SLC26A7: variants seen among roughly 807,000 people sequenced by gnomAD.
SLC26A7 encodes solute carrier family 26 member 7.
SLC26A7 carries 59 observed loss-of-function variants against 82.5 expected under a neutral mutation model. The ratio of observed to expected loss-of-function variants is 0.72; its 90% CI spans 0.58 to 0.89. SLC26A7 has a LOEUF of 0.89. Among genes scored for constraint, SLC26A7 ranks in the 40% least tolerant of loss-of-function variants. SLC26A7 has a pLI of 0.00. For missense variants in SLC26A7, 820 were observed against 793.0 expected, an observed-to-expected ratio of 1.03 and a Z score of -0.41; for synonymous variants, 271 against 274.3, an observed-to-expected ratio of 0.99 and a Z score of 0.12.
chr8:91,293,382 C>A (rs545370175), intron 3 of SLC26A7, among the ~76,000 whole-genome samples: 21 of 152,224 alleles, frequency 1.4e-4, no homozygotes, highest in Non-Finnish European at 2.6e-4. Context: ...AAAGAAGAGA[C>A]CTATAAATAG....
intron 5 of SLC26A7, among the ~76,000 whole-genome samples, chr8:91,322,219 G>C (rs934856665): frequency 2.6e-5 from 4 of 151,750 alleles, no homozygotes; most frequent in African/African-American, 9.7e-5. Flanking sequence ...TGTTAATGGG[G>C]GTTGATCATT....
At chr8:91,329,543 G>A (rs1011135893) in intron 5 of SLC26A7, among the ~76,000 whole-genome samples, 6 of 152,018 alleles carry the variant, frequency 3.9e-5, no homozygotes, top group African/African-American at 1.2e-4. Flanking sequence ...TTCTGGGGTG[G>A]TCATTTTTAT....
Position 91,351,833 on chromosome 8 carries a change from T to C in SLC26A7, c.1164T>C (p.Ile388=), listed in dbSNP as rs1375813109. The change falls in exon 10 of 19, where the codon ATT becomes ATC. Residue 388 remains isoleucine, a synonymous_variant. Coordinates refer to ENST00000276609, the MANE Select transcript of SLC26A7 (RefSeq NM_052832.4). The part of the protein sequence containing the change: ...KTQVACLISC[I]FVLIVIYAIG... ...AGGTGGCTTGTCTAATATCTTGCATTTTCGTCCTTATAGTCATCTATGCAA... is the reference window on the plus strand; with the variant it reads ...AGGTGGCTTGTCTAATATCTTGCATCTTCGTCCTTATAGTCATCTATGCAA... 1 of 1,612,718 alleles carries C rather than the reference T, an allele frequency of 6.2e-7. No homozygotes were observed. Among genetic ancestry groups the C allele is most frequent in the East Asian group, 2.2e-5 (1 of 44,854 alleles).
chr8:91,336,536 G>A (rs888392905), intron 6 of SLC26A7, among the ~76,000 whole-genome samples: 36 of 151,782 alleles, frequency 2.4e-4, no homozygotes, highest in Admixed American at 6.6e-4. Flanking sequence ...AACCCTGTTC[G>A]TGAAAAAATT....
intron 4 of SLC26A7, among the ~76,000 whole-genome samples, chr8:91,309,843 C>T (rs1286112380): frequency 6.6e-6 from 1 of 152,054 alleles, no homozygotes; most frequent in Non-Finnish European, 1.5e-5. Flanking sequence ...CGGTGGCTTG[C>T]TAGCACTTGG....
chr8:91,262,234 G>T (rs1257279103), intron 2 of SLC26A7, among the ~76,000 whole-genome samples: 1 of 152,072 alleles, frequency 6.6e-6, no homozygotes, highest in Non-Finnish European at 1.5e-5. Context: ...TCAGCCTGGT[G>T]AGGGTAAAGT....
In SLC26A7 at chr8:91,265,549, G is replaced by A. The variant is rs1811088283; in HGVS notation, c.193+15705G>A. Among the ~76,000 whole-genome samples the A allele has an allele frequency of 2.6e-5, 4 of 152,000 alleles. No individual in the cohort carries two copies. The South Asian group carries it at 6.2e-4, about 24-fold the overall frequency. On this transcript the variant is annotated intron_variant, in intron 2 of 18. Coordinates refer to ENST00000276609, the MANE Select transcript of SLC26A7 (RefSeq NM_052832.4). ...TCTTTCTGCATCCTCACTAGCATTT[G>A]TTATTGATTTATTTTTTGTCATTTT...
intron 4 of SLC26A7, among the ~76,000 whole-genome samples, chr8:91,311,134 G>T (rs946492737): frequency 6.6e-6 from 1 of 152,172 alleles, no homozygotes; most frequent in African/African-American, 2.4e-5. Flanking sequence ...AACTTCAGCA[G>T]TTAGAGTCTA....
chr8:91,298,244 T>G (rs1220506932), intron 4 of SLC26A7, among the ~76,000 whole-genome samples: 1 of 151,926 alleles, frequency 6.6e-6, no homozygotes, highest in Non-Finnish European at 1.5e-5. Flanking sequence ...AAAGTGTAGC[T>G]TGTATTTGTC....
intron 8 of SLC26A7, 99 bp downstream of exon 8, chr8:91,340,650 C>T: frequency 2.7e-6 from 4 of 1,470,756 alleles, no homozygotes; most frequent in East Asian, 4.6e-5. Context: ...TAAAACTTTC[C>T]TAACTGTACA....
At chr8:91,219,550 G>A (rs542670528) in intron 2 of SLC26A7, among the ~76,000 whole-genome samples, 24 of 151,948 alleles carry the variant, frequency 1.6e-4, no homozygotes, top group African/African-American at 5.3e-4. Flanking sequence ...CTTTTTACAC[G>A]ACAAACTGCC....
chr8:91,375,871 T>C (rs930134667), intron 15 of SLC26A7, among the ~76,000 whole-genome samples: 3 of 152,112 alleles, frequency 2.0e-5, no homozygotes, highest in Non-Finnish European at 4.4e-5. Flanking sequence ...CAGGTATGCC[T>C]ATAAGTTATA....
chr8:91,254,883 C>T (rs1260772496), intron 2 of SLC26A7, among the ~76,000 whole-genome samples: 1 of 152,118 alleles, frequency 6.6e-6, no homozygotes, highest in African/African-American at 2.4e-5. Flanking sequence ...TGAAGACCTT[C>T]ACTGTCAAAT....
chr8:91,221,999 C>T (rs926083407), intron 2 of SLC26A7, among the ~76,000 whole-genome samples: 1 of 152,070 alleles, frequency 6.6e-6, no homozygotes, highest in Admixed American at 6.5e-5. Context: ...TCTTCCTATT[C>T]ATGAGGATGG....
At chr8:91,277,738 CT>C (rs1446200497) in intron 2 of SLC26A7, among the ~76,000 whole-genome samples, 11 of 152,030 alleles carry the variant, frequency 7.2e-5, no homozygotes, top group Admixed American at 7.2e-4. Flanking sequence ...TTAATGGAGG[CT>C]TTTTCAATTT....
intron 13 of SLC26A7, among the ~76,000 whole-genome samples, chr8:91,363,834 T>A (rs1405754819): frequency 6.6e-6 from 1 of 152,088 alleles, no homozygotes; most frequent in Non-Finnish European, 1.5e-5. Context: ...TTTCCATTAC[T>A]GAGTTGCATA....
At chr8:91,274,291 T>C (rs1811347793) in intron 2 of SLC26A7, among the ~76,000 whole-genome samples, 1 of 152,226 alleles carries the variant, frequency 6.6e-6, no homozygotes, top group Non-Finnish European at 1.5e-5. Flanking sequence ...TGGATTTGTC[T>C]TAGTCTATTT....
At chr8:91,320,221 C>A (rs1266729592) in intron 5 of SLC26A7, among the ~76,000 whole-genome samples, 2 of 152,182 alleles carry the variant, frequency 1.3e-5, no homozygotes, top group East Asian at 3.9e-4. Context: ...TGCCACTGTG[C>A]CCAGCTAATT....
intron 1 of SLC26A7, among the ~76,000 whole-genome samples, chr8:91,215,686 A>C (rs1449333557): frequency 6.6e-6 from 1 of 152,150 alleles, no homozygotes; most frequent in East Asian, 1.9e-4. Flanking sequence ...TCCTTTTCCT[A>C]TTCACTGACC....
Sources: allele counts gnomAD v4.1 joint callset (sites outside exome capture counted in the v4.1 genomes callset), GRCh38; gene constraint gnomAD v4.1.1; transcripts MANE v1.5; gene names NCBI Gene and HGNC (gene_info 2026-07-23, HGNC 2026-07-21).